The following FPGT variants were observed in gnomAD, a reference collection of about 807,000 sequenced individuals.
FPGT encodes the protein fucose-1-phosphate guanylyltransferase, also known as GDP-L-fucose diphosphorylase.
In FPGT, 41 loss-of-function variants were observed where a neutral mutation model predicts 45.8. The ratio of observed to expected loss-of-function variants is 0.90; its 90% CI spans 0.70 to 1.16. The LOEUF (loss-of-function observed/expected upper bound fraction) is 1.16, where lower values mean the gene tolerates loss of function less well. FPGT is among the 50% of genes most tolerant of loss of function. FPGT has a pLI of 0.00. For missense variants in FPGT, 755 were observed against 689.1 expected (o/e 1.10, Z -1.07); for synonymous variants, 292 against 247.2 (o/e 1.18, Z -1.70).
At position 74,205,922 on chromosome 1, in the gene FPGT, T is replaced by C. The variant is rs1652248702; in HGVS notation, c.*90T>C. On this transcript the variant is annotated 3_prime_UTR_variant, in exon 4 of 4. Coordinates refer to ENST00000370898, the MANE Select transcript of FPGT (RefSeq NM_003838.5). ...AGGCTGTTTCACTGAACTCAGTTAA[T>C]GAAAACTGTATTAACATAATTGTTG... 1.4e-6 allele frequency: 1 copy of C among 701,526 alleles called. No homozygotes were observed. Among genetic ancestry groups the C allele is most frequent in the East Asian group, 2.5e-5 (1 of 39,980 alleles). 43.5% of individuals were successfully genotyped at this position (701,526 alleles called of 1,614,324 possible).
Position 74,206,072 on chromosome 1 carries a change from G to A in FPGT, c.*240G>A, listed in dbSNP as rs1652259814. 2 of 326,902 alleles carry A rather than the reference G, an allele frequency of 6.1e-6. No individual in the cohort carries two copies. The highest frequency in any genetic ancestry group is 1.1e-5 in the Non-Finnish European group (2 of 180,574). The allele number at this position is 326,902 out of a possible 1,614,324, so 20.3% of individuals were successfully genotyped here. On this transcript the variant is annotated 3_prime_UTR_variant, in exon 4 of 4. Transcript: ENST00000370898. ...AGTATTTTTGTTTTTAATAATGATT[G>A]ATTTGTGGAGCATTGTTTTTTCACA...
In FPGT at chr1:74,205,485, A is replaced by C. The variant is rs1397271418; in HGVS notation, c.1438A>C (p.Ser480Arg). Residue 480 changes from serine (S) to arginine (R), a missense_variant, in exon 4 of 4, where the codon AGT becomes CGT. Transcript: ENST00000370898. ...TGGAGTGCAAGACAACTTGAAAAAGAGTGTGAAAACATTGTCAGATATAAA... is the reference window on the plus strand; with the variant it reads ...TGGAGTGCAAGACAACTTGAAAAAGCGTGTGAAAACATTGTCAGATATAAA... ...AFGVQDNLKK[S>R]VKTLSDIKLL... 6.2e-7 allele frequency: 1 copy of C among 1,613,390 alleles called. No individual in the cohort carries two copies. The highest frequency in any genetic ancestry group is 8.5e-7 in the Non-Finnish European group (1 of 1,179,434).
At chr1:74,201,648 A>G (rs897943743) in intron 3 of FPGT, among the ~76,000 whole-genome samples, 2 of 152,258 alleles carry the variant, frequency 1.3e-5, no homozygotes, top group Admixed American at 1.3e-4. Context: ...TCAGTCTTTT[A>G]TGAATATTGT....
Position 74,205,854 on chromosome 1 carries a change from CTT to C in FPGT, c.*24_*25del. ...GTAGAGATATTTTAAATATTGTACA[CTT>C]TGCCTTTTTGAGTAACATTCCAGAG... On this transcript the variant is annotated 3_prime_UTR_variant, in exon 4 of 4. Coordinates refer to ENST00000370898, the MANE Select transcript of FPGT (RefSeq NM_003838.5). 1 of 1,387,294 alleles carries C rather than the reference CTT, an allele frequency of 7.2e-7. No homozygotes were observed. Among genetic ancestry groups the C allele is most frequent in the Non-Finnish European group, 9.9e-7 (1 of 1,008,662 alleles). The allele number at this position is 1,387,294 out of a possible 1,614,324, so 85.9% of individuals were successfully genotyped here. A position where few individuals can be genotyped will look rare whatever the true frequency, so the allele number is the denominator to read the frequency against.
chr1:74,203,058 T>C (rs778185608), intron 3 of FPGT, among the ~76,000 whole-genome samples: 1 of 152,146 alleles, frequency 6.6e-6, no homozygotes, highest in Non-Finnish European at 1.5e-5. Flanking sequence ...AAAATAACAA[T>C]GAAAAGTATA....
intron 3 of FPGT, among the ~76,000 whole-genome samples, chr1:74,202,773 G>A (rs1231204453): frequency 1.3e-5 from 2 of 152,092 alleles, no homozygotes; most frequent in Non-Finnish European, 2.9e-5. Flanking sequence ...CTGTACAGCT[G>A]TACAAAAATA....
chr1:74,203,126 TA>T (rs1651945102), intron 3 of FPGT, among the ~76,000 whole-genome samples: 1 of 152,214 alleles, frequency 6.6e-6, no homozygotes, highest in Non-Finnish European at 1.5e-5. Flanking sequence ...TTATATACTA[TA>T]TACATAATTG....
chr1:74,203,345 G>T (rs945144404), intron 3 of FPGT, among the ~76,000 whole-genome samples: 1 of 151,900 alleles, frequency 6.6e-6, no homozygotes, highest in African/African-American at 2.4e-5. Context: ...AAGTATTTTA[G>T]CATTAGTATA....
At position 74,206,864 on chromosome 1, in the gene FPGT, A is replaced by G. The variant is rs1343782313; in HGVS notation, c.*1032A>G. On this transcript the variant is annotated 3_prime_UTR_variant, in exon 4 of 4. Coordinates refer to ENST00000370898, the MANE Select transcript of FPGT (RefSeq NM_003838.5). ...TATAAGCATATAAGTGAAAAGTCTT[A>G]TAAGTGTAATAGAGAAAAGATTTGT... 6.6e-6 allele frequency: 1 copy of G among 152,120 alleles called. No individual in the cohort carries two copies. The highest frequency in any genetic ancestry group is 1.5e-5 in the Non-Finnish European group (1 of 67,972). The allele number at this position is 152,120 out of a possible 1,614,324, so 9.4% of individuals were successfully genotyped here.
rs1472875584 is a variant in FPGT, at chr1:74,208,236, A to G, written c.*2404A>G. 6.6e-6 allele frequency among the ~76,000 whole-genome samples: 1 copy of G among 152,036 alleles called. No individual in the cohort carries two copies. The highest frequency in any genetic ancestry group is 1.5e-5 in the Non-Finnish European group (1 of 67,958). ...TTTAATAAAAGGATCTAGGCAAAAA[A>G]AAAAAAAGTAAGTCACTCCTAAATT... is the stretch of plus-strand genomic sequence containing the variant. On this transcript the variant is annotated 3_prime_UTR_variant, in exon 4 of 4. Coordinates refer to ENST00000370898, the MANE Select transcript of FPGT (RefSeq NM_003838.5).
At chr1:74,201,237 T>G in intron 2 of FPGT, 81 bp from the exon 3 acceptor site, 1 of 1,160,178 alleles carries the variant, frequency 8.6e-7, no homozygotes, top group African/African-American at 1.5e-5. Flanking sequence ...TAAGGTTATA[T>G]AACACCTAAA....
At chr1:74,198,573 T>C (rs975795253) in intron 1 of FPGT, 2 of 632,562 alleles carry the variant, frequency 3.2e-6, no homozygotes, top group African/African-American at 3.7e-5. Context: ...TTCTTAGTAG[T>C]ATAGATATTA....
Position 74,204,602 on chromosome 1 carries a change from A to C in FPGT, c.555A>C (p.Lys185Asn). ...IGEFEFIRFD[K>N]PGFTALAHPS... ...AATTTGAGTTTATTAGGTTTGACAA[A>C]CCTGGCTTTACTGCTTTAGCTCATC... is the stretch of plus-strand genomic sequence containing the variant. Residue 185 changes from lysine (K) to asparagine (N), a missense_variant, in exon 4 of 4, where the codon AAA becomes AAC. Physicochemically the swap from Lys to Asn is moderately conservative, Grantham distance 94. Transcript: ENST00000370898. The C allele has an allele frequency of 6.2e-7, 1 of 1,613,724 alleles. No individual in the cohort carries two copies. Among genetic ancestry groups the C allele is most frequent in the South Asian group, 1.1e-5 (1 of 91,058 alleles).
At chr1:74,203,531 A>G (rs927503897) in intron 3 of FPGT, among the ~76,000 whole-genome samples, 4 of 151,734 alleles carry the variant, frequency 2.6e-5, no homozygotes, top group African/African-American at 9.7e-5. Context: ...AGCTGGGACC[A>G]CAGGCGCCCG....
Position 74,205,197 on chromosome 1 carries a change from A to T in FPGT, c.1150A>T (p.Ile384Leu), listed in dbSNP as rs773382339. The T allele has an allele frequency of 5.0e-6, 8 of 1,614,052 alleles. No individual in the cohort carries two copies. The Admixed American group carries it at 1.3e-4, about 27-fold the overall frequency. ...SLKSELGLQS[I>L]TFSIFPDIPE... ...AAAGTCAGAGCTCGGCTTACAGTCC[A>T]TAACTTTTAGTATCTTTCCAGATAT... is the stretch of plus-strand genomic sequence containing the variant. The change falls in exon 4 of 4, where the codon ATA becomes TTA. Residue 384 changes from isoleucine to leucine, a missense_variant. By Grantham distance (5) the Ile-to-Leu change is conservative (BLOSUM62 2). Transcript: ENST00000370898.
At position 74,201,380 on chromosome 1, in the gene FPGT, A is replaced by T; in HGVS notation, c.313A>T (p.Asn105Tyr). The T allele has an allele frequency of 6.2e-7, 1 of 1,610,446 alleles. No individual in the cohort carries two copies. Among genetic ancestry groups the T allele is most frequent in the Non-Finnish European group, 8.5e-7 (1 of 1,178,360 alleles). The change falls in exon 3 of 4, where the codon AAT becomes TAT. Residue 105 changes from asparagine to tyrosine, a missense_variant. Coordinates refer to ENST00000370898, the MANE Select transcript of FPGT (RefSeq NM_003838.5). Reference sequence around the variant, plus strand: ...GGAAAAGCTATATGGAGATAAATGGAATTCTTTTACCATCTTATTAATTCA... The same window carrying T: ...GGAAAAGCTATATGGAGATAAATGGTATTCTTTTACCATCTTATTAATTCA... ...CLEKLYGDKW[N>Y]SFTILLIHSG...
chr1:74,205,787 G>T lies in FPGT; in HGVS notation c.1740G>T (p.Arg580Ser). ...ATGTAGAAGATATGATAACTTACAG[G>T]GAACAAATTTTTCTAGAAATCAGTT... is the stretch of plus-strand genomic sequence containing the variant. ...YKDVEDMITY[R>S]EQIFLEISLK... The change falls in exon 4 of 4, where the codon AGG becomes AGT. Residue 580 changes from arginine to serine, a missense_variant. Arg to Ser is a moderately radical substitution (Grantham distance 110, BLOSUM62 -1). Coordinates refer to ENST00000370898, the MANE Select transcript of FPGT (RefSeq NM_003838.5). 6.3e-7 allele frequency: 1 copy of T among 1,578,320 alleles called. No homozygotes were observed. The highest frequency in any genetic ancestry group is 1.1e-5 in the South Asian group (1 of 88,484).
At chr1:74,201,476 T>C (rs1651793992) in intron 3 of FPGT, 66 bp downstream of exon 3, 3 of 1,022,248 alleles carry the variant, frequency 2.9e-6, no homozygotes, top group African/African-American at 1.6e-5. Flanking sequence ...TTTAGAGACT[T>C]TTTTCTTTCT....
In FPGT at chr1:74,205,732, T is replaced by C; in HGVS notation, c.1685T>C (p.Leu562Pro). Residue 562 changes from leucine to proline, a missense_variant, in exon 4 of 4, where the codon CTG (leucine) becomes CCG (proline). Physicochemically the swap from Leu to Pro is moderately conservative, Grantham distance 98. Coordinates refer to ENST00000370898, the MANE Select transcript of FPGT (RefSeq NM_003838.5). ...TTCAGCCTGAATAGCTATAAGTTGCTGTCCATTGAAGAAATGCTTATCTAC... is the reference window on the plus strand; with the variant it reads ...TTCAGCCTGAATAGCTATAAGTTGCCGTCCATTGAAGAAATGCTTATCTAC... ...SAFSLNSYKL[L>P]SIEEMLIYKD... 1.9e-6 allele frequency: 3 copies of C among 1,606,038 alleles called. No individual in the cohort carries two copies. The highest frequency in any genetic ancestry group is 2.6e-6 in the Non-Finnish European group (3 of 1,172,676).
Sources: gnomAD v4.1 joint callset for allele counts (sites outside exome capture counted in the v4.1 genomes callset) on GRCh38, gnomAD v4.1.1 for gene constraint, MANE v1.5 for transcripts, NCBI Gene and HGNC (gene_info 2026-07-23, HGNC 2026-07-21) for gene names.